The following PSD3 variants were observed in gnomAD, a reference collection of about 807,000 sequenced individuals.
The protein encoded by PSD3 is pleckstrin and Sec7 domain containing 3.
A neutral mutation model predicts 105.5 loss-of-function variants in PSD3; 49 were observed. That is an observed-to-expected ratio of 0.46 (90% CI 0.37 to 0.59). The LOEUF is 0.59. PSD3 is among the 20% of genes least tolerant of loss of function. The pLI, the probability that PSD3 is intolerant of heterozygous loss-of-function variation, is 0.00. For synonymous variants in PSD3, 557 were observed against 457.8 expected (o/e 1.22, Z -2.77); for missense variants, 1,561 against 1,263.8 (o/e 1.24, Z -3.57).
rs1822092460 is a variant in PSD3 at position 18,935,889 on chromosome 8, T to A, written c.130+145A>T. 8.7e-6 allele frequency: 5 copies of A among 573,388 alleles called. No individual in the cohort carries two copies. In the South Asian group the frequency reaches 1.5e-4, roughly 17 times the overall value. The allele number at this position is 573,388 out of a possible 1,614,324, so 35.5% of individuals were successfully genotyped here. A position where few individuals can be genotyped will look rare whatever the true frequency, so the allele number is the denominator to read the frequency against. Reference sequence around the variant, plus strand: ...ACATGAAATATTTGCGGATTCTACATCTTGGGAAGATTGTTTTGATGAATA... The same window carrying A: ...ACATGAAATATTTGCGGATTCTACAACTTGGGAAGATTGTTTTGATGAATA... On this transcript the variant is annotated intron_variant, in intron 2 of 15. Coordinates refer to ENST00000327040, the MANE Select transcript of PSD3 (RefSeq NM_015310.4).
chr8:18,954,925 G>A (rs143832059), intron 1 of PSD3, among the ~76,000 whole-genome samples: 3 of 152,066 alleles, frequency 2.0e-5, no homozygotes, highest in Admixed American at 6.5e-5. Context: ...TGTAAGTGAC[G>A]TCACGTTAGG....
chr8:18,613,345 G>T (rs1805414359), intron 11 of PSD3, among the ~76,000 whole-genome samples: 2 of 152,116 alleles, frequency 1.3e-5, no homozygotes, highest in South Asian at 2.1e-4. Context: ...TGTTTGCAGG[G>T]GGGAGGAGCC....
intron 1 of PSD3, among the ~76,000 whole-genome samples, chr8:19,046,947 T>C (rs1828339845): frequency 6.6e-6 from 1 of 152,232 alleles, no homozygotes; most frequent in Non-Finnish European, 1.5e-5. Context: ...AAGAGTGGGT[T>C]GTACCATATA....
At chr8:18,575,799 T>C (rs1295364326) in intron 12 of PSD3, among the ~76,000 whole-genome samples, 1 of 152,026 alleles carries the variant, frequency 6.6e-6, no homozygotes, top group Non-Finnish European at 1.5e-5. Flanking sequence ...AAAAGAAAAA[T>C]GAATAGTAAA....
chr8:18,949,244 A>AAAAAAAAAAAAAATATAT (rs1345423514), intron 1 of PSD3, among the ~76,000 whole-genome samples: 1 of 14,408 alleles, frequency 6.9e-5, no homozygotes, highest in Non-Finnish European at 1.8e-4. Context: ...AAAAAAAAAA[A>AAAAAAAAAAAAAATATAT]ATATATATAT....
intron 9 of PSD3, among the ~76,000 whole-genome samples, chr8:18,755,779 A>C (rs1805987499): frequency 6.6e-6 from 1 of 151,250 alleles, no homozygotes. Context: ...TTAAGAAAAC[A>C]CATGAACATG....
chr8:18,985,634 A>G (rs2129473073), intron 1 of PSD3, among the ~76,000 whole-genome samples: 1 of 152,308 alleles, frequency 6.6e-6, no homozygotes, highest in Non-Finnish European at 1.5e-5. Context: ...TTGAATAGAA[A>G]TATGAGCTTT....
chr8:18,683,960 T>A, intron 9 of PSD3: 1 of 752,200 alleles, frequency 1.3e-6, no homozygotes. Flanking sequence ...GGAAGGGGTT[T>A]AGAGAAATAA....
intron 2 of PSD3, among the ~76,000 whole-genome samples, chr8:18,924,023 T>C: frequency 6.6e-6 from 1 of 151,916 alleles, no homozygotes; most frequent in Non-Finnish European, 1.5e-5. Context: ...TCCTGGTTGA[T>C]TTCTGCAACA....
chr8:18,587,778 T>C (rs1247731985), intron 12 of PSD3, among the ~76,000 whole-genome samples: 1 of 152,188 alleles, frequency 6.6e-6, no homozygotes, highest in Non-Finnish European at 1.5e-5. Flanking sequence ...TAGGCAGGGA[T>C]TGTATCTTAG....
chr8:18,702,985 C>T (rs1393274556), intron 9 of PSD3, among the ~76,000 whole-genome samples: 1 of 152,066 alleles, frequency 6.6e-6, no homozygotes, highest in Non-Finnish European at 1.5e-5. Flanking sequence ...TCATGTTCTC[C>T]TAAAATGTCT....
At chr8:18,886,220 T>G (rs150034307) in intron 2 of PSD3, among the ~76,000 whole-genome samples, 39 of 152,174 alleles carry the variant, frequency 2.6e-4, no homozygotes, top group African/African-American at 9.1e-4. Context: ...GAAGTAAGAT[T>G]ACAGGTAAGA....
chr8:18,871,416 G>T (rs879491042), intron 3 of PSD3, among the ~76,000 whole-genome samples: 1 of 152,130 alleles, frequency 6.6e-6, no homozygotes, highest in African/African-American at 2.4e-5. Context: ...CATGCCTAAC[G>T]GATGACTTTA....
intron 1 of PSD3, among the ~76,000 whole-genome samples, chr8:19,040,803 T>C (rs975499824): frequency 3.3e-5 from 5 of 152,234 alleles, no homozygotes; most frequent in Non-Finnish European, 5.9e-5. Context: ...ATCAGGAATG[T>C]TGTCCATGAG....
At chr8:18,769,164 T>C (rs991536247) in intron 8 of PSD3, among the ~76,000 whole-genome samples, 1 of 152,196 alleles carries the variant, frequency 6.6e-6, no homozygotes, top group African/African-American at 2.4e-5. Context: ...TTAGATATGT[T>C]CTGGGGAGAT....
At chr8:18,970,981 GA>G (rs1007826299) in intron 1 of PSD3, among the ~76,000 whole-genome samples, 68 of 137,170 alleles carry the variant, frequency 5.0e-4, no homozygotes, top group Admixed American at 1.3e-3. Context: ...TCTGTCTCAA[GA>G]AAAAAAAAAA....
At chr8:18,721,082 C>G (rs1193551431) in intron 9 of PSD3, 1 of 152,126 alleles carries the variant, frequency 6.6e-6, no homozygotes, top group Non-Finnish European at 1.5e-5. Context: ...CCACAATCCA[C>G]ATCCCACTCG....
chr8:18,635,964 T>C (rs989659935), intron 10 of PSD3, among the ~76,000 whole-genome samples: 6 of 152,072 alleles, frequency 3.9e-5, no homozygotes, highest in Non-Finnish European at 4.4e-5. Context: ...ACCTAGATAA[T>C]GGTTTGATAG....
chr8:18,857,915 G>T (rs982196639), intron 4 of PSD3, among the ~76,000 whole-genome samples: 2 of 152,114 alleles, frequency 1.3e-5, no homozygotes, highest in Non-Finnish European at 2.9e-5. Flanking sequence ...GTCAGGCACA[G>T]GCATAAGAAA....
Sources: gnomAD v4.1 joint callset for allele counts (sites outside exome capture counted in the v4.1 genomes callset) on GRCh38, gnomAD v4.1.1 for gene constraint, MANE v1.5 for transcripts, NCBI Gene and HGNC (gene_info 2026-07-23, HGNC 2026-07-21) for gene names.